RASGRP1: variants seen among roughly 807,000 people sequenced by gnomAD.
The protein encoded by RASGRP1 is RAS guanyl-releasing protein 1.
In RASGRP1, 37 loss-of-function variants were observed where a neutral mutation model predicts 95.1. The observed-to-expected ratio is 0.39, with a 90% CI of 0.30 to 0.51. The LOEUF (loss-of-function observed/expected upper bound fraction) is 0.51. RASGRP1 is among the 20% of genes least tolerant of loss of function. The probability of loss-of-function intolerance (pLI) is 0.80; values close to 1 mark genes in which losing one functional copy is unlikely to be tolerated. For missense variants in RASGRP1, 711 were observed against 965.4 expected, an observed-to-expected ratio of 0.74 and a Z score of 3.49; for synonymous variants, 325 against 353.4, an observed-to-expected ratio of 0.92 and a Z score of 0.90.
intron 2 of RASGRP1, chr15:38,534,458 G>A (rs1482016082): frequency 1.3e-5 from 2 of 151,528 alleles, no homozygotes; most frequent in African/African-American, 2.5e-5. Context: ...AATTTATGGA[G>A]CTCTGAATAT....
chr15:38,526,237 T>C, intron 3 of RASGRP1, 62 bp downstream of exon 3: 1 of 1,333,776 alleles, frequency 7.5e-7, no homozygotes, highest in Non-Finnish European at 1.1e-6. Context: ...ATACTTCAAA[T>C]TTCAAGCTAC....
intron 10 of RASGRP1, 179 bp from the exon 11 acceptor site, chr15:38,503,555 G>C (rs531159655): frequency 1.6e-6 from 1 of 614,756 alleles, no homozygotes; most frequent in Non-Finnish European, 2.9e-6. Flanking sequence ...GGCTAACAAG[G>C]CATTGTGCTT....
At chr15:38,502,280 A>G in intron 12 of RASGRP1, 32 bp downstream of exon 12, 1 of 1,474,602 alleles carries the variant, frequency 6.8e-7, no homozygotes, top group South Asian at 1.2e-5. Context: ...CAATGGGCTC[A>G]TAACCACATA....
rs1890704918 is a variant in RASGRP1 at position 38,494,188 on chromosome 15, GAATC to G, written c.2259+190_2259+193del. On this transcript the variant is annotated intron_variant, in intron 16 of 16. Transcript: ENST00000310803. Reference sequence around the variant, plus strand: ...CCCCCAGTGGGTTGTGAGAAAGCTGGAATCAATCATCCTTTCTTCCTTCCCTCCC... The same window carrying G: ...CCCCCAGTGGGTTGTGAGAAAGCTGGAATCATCCTTTCTTCCTTCCCTCCC... 3 of 733,722 alleles carry G rather than the reference GAATC, an allele frequency of 4.1e-6. No homozygotes were observed. The South Asian group carries it at 4.8e-5, about 12-fold the overall frequency. The allele number at this position is 733,722 out of a possible 1,614,324, so 45.5% of individuals were successfully genotyped here. A position where few individuals can be genotyped will look rare whatever the true frequency, so the allele number is the denominator to read the frequency against.
In RASGRP1 at chr15:38,546,994, A is replaced by C. The variant is rs1026082374; in HGVS notation, c.220+12827T>G. Among the ~76,000 whole-genome samples the C allele has an allele frequency of 7.2e-5, 11 of 152,190 alleles. No homozygotes were observed. The East Asian group carries it at 2.1e-3, about 29-fold the overall frequency. On this transcript the variant is annotated intron_variant, in intron 2 of 16. Coordinates refer to ENST00000310803, the MANE Select transcript of RASGRP1 (RefSeq NM_005739.4). ...ATTCACATCCTGAATTCTGCTAATT[A>C]TGCTATTTCCCACAGTGTGTCTAAC...
At chr15:38,552,646 G>C (rs1893384236) in intron 2 of RASGRP1, among the ~76,000 whole-genome samples, 1 of 152,212 alleles carries the variant, frequency 6.6e-6, no homozygotes, top group Non-Finnish European at 1.5e-5. Flanking sequence ...ATAGTAAAAT[G>C]TAGTCATGAA....
chr15:38,526,486 C>G (rs1892225064), intron 2 of RASGRP1, 82 bp from the exon 3 acceptor site: 2 of 1,000,986 alleles, frequency 2.0e-6, no homozygotes, highest in East Asian at 2.5e-5. Context: ...CCCTCTGTGA[C>G]TCAGGTGCAA....
At chr15:38,497,391 CTT>C (rs34772920) in intron 15 of RASGRP1, among the ~76,000 whole-genome samples, 1 of 148,764 alleles carries the variant, frequency 6.7e-6, no homozygotes, top group African/African-American at 2.5e-5. Flanking sequence ...GCCTTAACAC[CTT>C]TTTTTTTTTC....
chr15:38,554,429 C>G (rs1447848506), intron 2 of RASGRP1, among the ~76,000 whole-genome samples: 2 of 152,190 alleles, frequency 1.3e-5, no homozygotes, highest in Non-Finnish European at 2.9e-5. Flanking sequence ...CTCTGGATGG[C>G]TTTACTGAAT....
intron 11 of RASGRP1, chr15:38,502,901 C>T (rs970495273): frequency 3.7e-6 from 1 of 273,514 alleles, no homozygotes; most frequent in Non-Finnish European, 6.9e-6. Flanking sequence ...ATATATACCC[C>T]TTCCTCAGCA....
At chr15:38,496,230 G>A (rs1301078029) in intron 15 of RASGRP1, among the ~76,000 whole-genome samples, 1 of 152,148 alleles carries the variant, frequency 6.6e-6, no homozygotes, top group Non-Finnish European at 1.5e-5. Context: ...AGTCATTTTT[G>A]CCATTATAAA....
intron 2 of RASGRP1, chr15:38,534,736 CA>C (rs2141154943): frequency 6.6e-6 from 1 of 152,348 alleles, no homozygotes; most frequent in South Asian, 2.1e-4. Context: ...CACCCCCAGA[CA>C]AAGGTGATTT....
At position 38,488,476 on chromosome 15, in the gene RASGRP1, T is replaced by TC. The variant is rs1473618615; in HGVS notation, c.*2077dup. 1 of 151,604 alleles carries TC rather than the reference T, an allele frequency of 6.6e-6. No individual in the cohort carries two copies. The highest frequency in any genetic ancestry group is 1.5e-5 in the Non-Finnish European group (1 of 67,824). The allele number at this position is 151,604 out of a possible 1,614,324, so 9.4% of individuals were successfully genotyped here. On this transcript the variant is annotated 3_prime_UTR_variant, in exon 17 of 17. Coordinates refer to ENST00000310803, the MANE Select transcript of RASGRP1 (RefSeq NM_005739.4). ...ATACTATTAACTTGTATACTATACC[T>TC]CTTTGGCCCTTGCTGGACTGTAAAA...
At chr15:38,520,230 C>T (rs1891949989) in intron 3 of RASGRP1, among the ~76,000 whole-genome samples, 1 of 152,178 alleles carries the variant, frequency 6.6e-6, no homozygotes, top group Admixed American at 6.5e-5. Context: ...AAAGGCCATG[C>T]CTTGTTTTCC....
intron 2 of RASGRP1, among the ~76,000 whole-genome samples, chr15:38,538,395 G>C (rs2141161578): frequency 6.6e-6 from 1 of 152,354 alleles, no homozygotes; most frequent in Admixed American, 6.5e-5. Flanking sequence ...CTTATTGGAA[G>C]ATGGGGGAGA....
chr15:38,558,897 A>C (rs2141198403), intron 2 of RASGRP1, among the ~76,000 whole-genome samples: 1 of 152,262 alleles, frequency 6.6e-6, no homozygotes, highest in Admixed American at 6.5e-5. Flanking sequence ...GATCTGACTA[A>C]GCCTCCCTTA....
Position 38,507,863 on chromosome 15 carries a change from T to C in RASGRP1, c.1105A>G (p.Met369Val). The C allele has an allele frequency of 1.2e-6, 2 of 1,613,814 alleles. No homozygotes were observed. Among genetic ancestry groups the C allele is most frequent in the Non-Finnish European group, 1.7e-6 (2 of 1,179,828 alleles). ...LKDLISLYEAMPDYLEDGKVN... is the reference protein window; with the variant it reads ...LKDLISLYEAVPDYLEDGKVN... The stretch of plus-strand genomic sequence containing the variant: ...TTCCCGTCCTCCAGATAGTCAGGCA[T>C]GGCTTCATACAGGGAGATGAGGTCC... The change falls in exon 9 of 17, where the codon ATG (methionine) becomes GTG (valine). Residue 369 changes from methionine to valine, a missense_variant. Physicochemically the swap from Met to Val is conservative, Grantham distance 21 (BLOSUM62 1). Transcript: ENST00000310803.
At chr15:38,511,056 T>C (rs1595840353) in intron 8 of RASGRP1, among the ~76,000 whole-genome samples, 3 of 152,344 alleles carry the variant, frequency 2.0e-5, no homozygotes, top group South Asian at 2.1e-4. Context: ...GTACAGGACA[T>C]TTAAGAAAAA....
chr15:38,521,360 A>G (rs144781210), intron 3 of RASGRP1, among the ~76,000 whole-genome samples: 1 of 152,310 alleles, frequency 6.6e-6, no homozygotes, highest in Non-Finnish European at 1.5e-5. Context: ...GGTGACTTTT[A>G]CCGTGTCATT....
Sources: allele counts gnomAD v4.1 joint callset (sites outside exome capture counted in the v4.1 genomes callset), GRCh38; gene constraint gnomAD v4.1.1; transcripts MANE v1.5; gene names NCBI Gene and HGNC (gene_info 2026-07-23, HGNC 2026-07-21).